Variants in APAF1 observed in about 807,000 individuals in gnomAD.
APAF1 encodes apoptotic peptidase activating factor 1.
APAF1 carries 91 observed loss-of-function variants against 152.4 expected under a neutral mutation model. The observed-to-expected ratio is 0.60, with a 90% CI of 0.50 to 0.71. APAF1 has a LOEUF of 0.71. Among genes scored for constraint, APAF1 ranks in the 30% least tolerant of loss-of-function variants. The pLI is 0.00. For missense variants in APAF1, 1,283 were observed against 1,472.0 expected (o/e 0.87, Z 2.10); for synonymous variants, 484 against 494.1 (o/e 0.98, Z 0.27).
intron 4 of APAF1, among the ~76,000 whole-genome samples, chr12:98,655,850 C>T (rs1470702049): frequency 2.6e-5 from 4 of 151,512 alleles, no homozygotes; most frequent in Admixed American, 6.6e-5. Context: ...GTGGCGCGGT[C>T]TCGGCTCACT....
Position 98,732,547 on chromosome 12 carries a change from T to A in APAF1, c.3728T>A (p.Ile1243Asn). Residue 1243 changes from isoleucine to asparagine, a missense_variant, in exon 27 of 27, where the codon ATT becomes AAT. Physicochemically the swap from Ile to Asn is moderately radical, Grantham distance 149. Coordinates refer to ENST00000551964, the MANE Select transcript of APAF1 (RefSeq NM_181861.2). ...VTVDNLGILYILQTLE is the reference protein window; with the variant it reads ...VTVDNLGILYNLQTLE ...GTGGATAATCTTGGTATTTTATATA[T>A]TTTACAGACTTTAGAATAAAATAGT... The A allele has an allele frequency of 6.4e-7, 1 of 1,565,450 alleles. No homozygotes were observed. Among genetic ancestry groups the A allele is most frequent in the South Asian group, 1.1e-5 (1 of 89,870 alleles).
intron 26 of APAF1, among the ~76,000 whole-genome samples, chr12:98,732,155 AGCTCTCAAGCAG>A (rs1454505896): frequency 1.3e-5 from 2 of 152,168 alleles, no homozygotes; most frequent in Non-Finnish European, 2.9e-5. Flanking sequence ...TCCTGTCTGC[AGCTCTCAAGCAG>A]GCTGCATGTT....
chr12:98,707,206 A>C (rs1347040455), intron 19 of APAF1, among the ~76,000 whole-genome samples: 1 of 152,120 alleles, frequency 6.6e-6, no homozygotes, highest in East Asian at 1.9e-4. Context: ...AAGCTTCTCC[A>C]CAGCATGGCC....
chr12:98,730,095 T>G (rs912357657), intron 26 of APAF1, among the ~76,000 whole-genome samples: 1 of 152,208 alleles, frequency 6.6e-6, no homozygotes, highest in African/African-American at 2.4e-5. Flanking sequence ...AACTTAATTA[T>G]CAATAAAAAT....
At chr12:98,656,193 G>A (rs1174032642) in intron 4 of APAF1, among the ~76,000 whole-genome samples, 1 of 152,180 alleles carries the variant, frequency 6.6e-6, no homozygotes, top group East Asian at 1.9e-4. Context: ...CTCCCAAAGT[G>A]CTGGGAGCCA....
chr12:98,665,464 G>A (rs924107212), intron 7 of APAF1, 89 bp from the exon 8 acceptor site: 214 of 893,688 alleles, frequency 2.4e-4, no homozygotes, highest in Admixed American at 3.4e-4. Context: ...AGCAGAAATT[G>A]TTTCTTAGTA....
At chr12:98,648,269 C>T in intron 1 of APAF1, 50 bp from the exon 2 acceptor site, 2 of 1,484,186 alleles carry the variant, frequency 1.3e-6, no homozygotes, top group Non-Finnish European at 1.9e-6. Flanking sequence ...GATTATGTAT[C>T]TTTTCATATT....
At chr12:98,686,920 C>A in intron 16 of APAF1, 47 bp downstream of exon 16, 1 of 1,582,710 alleles carries the variant, frequency 6.3e-7, no homozygotes, top group Non-Finnish European at 8.7e-7. Context: ...TATGGAAAGT[C>A]TTATGATTTG....
At chr12:98,668,834 T>C (rs944248021) in intron 10 of APAF1, among the ~76,000 whole-genome samples, 5 of 152,186 alleles carry the variant, frequency 3.3e-5, no homozygotes, top group African/African-American at 9.6e-5. Flanking sequence ...GCTGGAAATA[T>C]TGAATAGGCA....
chr12:98,708,687 C>T lies in APAF1; in HGVS notation c.2824C>T (p.His942Tyr). The change falls in exon 20 of 27, where the codon CAT (histidine) becomes TAT (tyrosine). Residue 942 changes from histidine (H) to tyrosine (Y), a missense_variant. Physicochemically the swap from His to Tyr is moderately conservative, Grantham distance 83. Transcript: ENST00000551964. ...TGAAGTGATGGTCCTTGCAGTTGAC[C>T]ATATAAGACGTCTGCAAGTGAGTAT... ...ENEVMVLAVD[H>Y]IRRLQLINGR... The T allele has an allele frequency of 6.2e-7, 1 of 1,613,572 alleles. No individual in the cohort carries two copies. Among genetic ancestry groups the T allele is most frequent in the South Asian group, 1.1e-5 (1 of 91,012 alleles).
chr12:98,672,653 A>G (rs1232125564), intron 12 of APAF1, among the ~76,000 whole-genome samples: 5 of 152,186 alleles, frequency 3.3e-5, no homozygotes, highest in Admixed American at 2.0e-4. Flanking sequence ...AAGGATAGCT[A>G]TTAATACCAT....
At chr12:98,700,705 T>C (rs1335366085) in intron 17 of APAF1, among the ~76,000 whole-genome samples, 1 of 152,218 alleles carries the variant, frequency 6.6e-6, no homozygotes, top group East Asian at 1.9e-4. Context: ...CCATTACTAC[T>C]ATATATTTCC....
At chr12:98,718,993 T>G (rs2097738304) in intron 22 of APAF1, among the ~76,000 whole-genome samples, 1 of 152,146 alleles carries the variant, frequency 6.6e-6, no homozygotes, top group South Asian at 2.1e-4. Context: ...CCCTCTCAGT[T>G]ATTTCGACCT....
chr12:98,661,806 T>C (rs1055160559), intron 5 of APAF1, among the ~76,000 whole-genome samples: 7 of 152,048 alleles, frequency 4.6e-5, no homozygotes, highest in African/African-American at 1.7e-4. Flanking sequence ...GACAAAAATG[T>C]TATTGTATAA....
chr12:98,696,883 C>G (rs539902353), intron 16 of APAF1, among the ~76,000 whole-genome samples: 1 of 152,094 alleles, frequency 6.6e-6, no homozygotes, highest in South Asian at 2.1e-4. Flanking sequence ...ATTTTAAACC[C>G]TGAAAAAGAA....
intron 4 of APAF1, among the ~76,000 whole-genome samples, chr12:98,655,690 T>G (rs1297106648): frequency 6.6e-6 from 1 of 152,214 alleles, no homozygotes; most frequent in Non-Finnish European, 1.5e-5. Flanking sequence ...CCTGGCTCAC[T>G]GCAGCCTCAA....
rs1452314721 is a variant in APAF1 at position 98,712,437 on chromosome 12, T to G, written c.2958+2T>G. 4 of 1,472,746 alleles carry G rather than the reference T, an allele frequency of 2.7e-6. No individual in the cohort carries two copies. Among genetic ancestry groups the G allele is most frequent in the Non-Finnish European group, 3.8e-6 (4 of 1,051,200 alleles). 91.2% of individuals were successfully genotyped at this position (1,472,746 alleles called of 1,614,324 possible). On this transcript the variant is annotated splice_donor_variant, in intron 21 of 26. Transcript: ENST00000551964. LOFTEE classifies it high-confidence loss of function. ...GGAGATGAAAATGGAGCCATTGAGG[T>G]ATTCAGTGCTAGTCTTCAGAATCTT...
Position 98,683,266 on chromosome 12 carries a change from T to G in APAF1, c.2170T>G (p.Phe724Val). ...LLLATGSSDC[F>V]LKLWDLNQKE... ...CTTAGCCACTGGGTCAAGTGACTGC[T>G]TCCTCAAAGTAAGTGTGGATATTGA... The change falls in exon 15 of 27, where the codon TTC becomes GTC. Residue 724 changes from phenylalanine to valine, a missense_variant. Coordinates refer to ENST00000551964, the MANE Select transcript of APAF1 (RefSeq NM_181861.2). 6.2e-7 allele frequency: 1 copy of G among 1,613,926 alleles called. No individual in the cohort carries two copies. The highest frequency in any genetic ancestry group is 8.5e-7 in the Non-Finnish European group (1 of 1,179,948).
chr12:98,649,425 T>C, intron 3 of APAF1, 62 bp from the exon 4 acceptor site: 1 of 1,561,828 alleles, frequency 6.4e-7, no homozygotes, highest in East Asian at 2.2e-5. Context: ...TTTTTTATGG[T>C]ATTACTTCAG....
Sources: gnomAD v4.1 joint callset for allele counts (sites outside exome capture counted in the v4.1 genomes callset) on GRCh38, gnomAD v4.1.1 for gene constraint, MANE v1.5 for transcripts, NCBI Gene and HGNC (gene_info 2026-07-23, HGNC 2026-07-21) for gene names.